Variants in NFIX observed in about 807,000 individuals in gnomAD.
NFIX encodes the protein nuclear factor I X, also known as nuclear factor 1 X-type.
Under a neutral mutation model 53.3 loss-of-function variants are expected in NFIX, and 2 were observed. The observed-to-expected ratio is 0.04, with a 90% CI of 0.02 to 0.12. The LOEUF is 0.12. NFIX is among the 10% of genes least tolerant of loss of function. The pLI is 1.00. For synonymous variants in NFIX, 244 were observed against 289.0 expected (o/e 0.84, Z 1.58); for missense variants, 310 against 674.5 (o/e 0.46, Z 5.99).
intron 2 of NFIX, among the ~76,000 whole-genome samples, chr19:13,055,985 G>A (rs1424249171): frequency 1.3e-5 from 2 of 152,234 alleles, no homozygotes; most frequent in Admixed American, 6.5e-5. Context: ...GTGCGTGTGA[G>A]TGGTCTGTGG....
At chr19:13,042,896 T>C (rs181253545) in intron 2 of NFIX, among the ~76,000 whole-genome samples, 407 of 152,286 alleles carry the variant, frequency 2.7e-3, no homozygotes, top group Non-Finnish European at 4.5e-3. Flanking sequence ...TTGAAGGCTC[T>C]TCGTCCATCC....
chr19:13,025,138 T>G lies in NFIX; in HGVS notation c.145T>G (p.Ser49Ala). The G allele has an allele frequency of 6.2e-7, 1 of 1,614,166 alleles. No homozygotes were observed. Among genetic ancestry groups the G allele is most frequent in the African/African-American group, 1.3e-5 (1 of 75,036 alleles). Residue 49 changes from serine to alanine, a missense_variant, in exon 2 of 11, where the codon TCG (serine) becomes GCG (alanine). By Grantham distance (99) the Ser-to-Ala change is moderately conservative (BLOSUM62 1). This residue lies in a region of NFIX where 64 missense variants were observed against 144.5 expected (regional missense o/e 0.44). Transcript: ENST00000592199. This position sits in a 1 kb window ranked among gnomAD's most constrained non-coding sequence, Gnocchi z 7.5. ...KYFKKHEKRM[S>A]KDEERAVKDE... ...CTTCAAGAAGCATGAAAAGCGGATG[T>G]CGAAGGACGAGGAGCGGGCGGTGAA...
At chr19:13,086,014 C>G (rs1225984257) in intron 8 of NFIX, among the ~76,000 whole-genome samples, 1 of 152,186 alleles carries the variant, frequency 6.6e-6, no homozygotes, top group African/African-American at 2.4e-5. Context: ...GGTTGTGATT[C>G]AGGGGATCTG....
intron 2 of NFIX, among the ~76,000 whole-genome samples, chr19:13,029,733 A>G (rs553937227): frequency 7.4e-4 from 112 of 152,240 alleles, no homozygotes; most frequent in African/African-American, 2.6e-3. Flanking sequence ...ATGGGTTAGC[A>G]CCTGAAGATT....
At position 13,025,080 on chromosome 19, in the gene NFIX, C is replaced by T; in HGVS notation, c.87C>T (p.Thr29=). The T allele has an allele frequency of 6.2e-7, 1 of 1,614,200 alleles. No homozygotes were observed. Among genetic ancestry groups the T allele is most frequent in the Non-Finnish European group, 8.5e-7 (1 of 1,180,018 alleles). ...LLPHVRAFSY[T]WFNLQARKRK... ...CTCACGTCCGCGCTTTCTCCTACAC[C>T]TGGTTCAACCTGCAGGCGCGGAAGC... is the stretch of plus-strand genomic sequence containing the variant. Residue 29 remains threonine, a synonymous_variant, in exon 2 of 11, where the codon ACC becomes ACT. Transcript: ENST00000592199. This position sits in a 1 kb window ranked among gnomAD's most constrained non-coding sequence, Gnocchi z 7.5.
chr19:13,019,712 GTT>G (rs34286064), intron 1 of NFIX, among the ~76,000 whole-genome samples: 1 of 137,956 alleles, frequency 7.2e-6, no homozygotes, highest in South Asian at 2.2e-4. Context: ...ACTGTTGCTG[GTT>G]TTTTTTTTGT....
At chr19:13,064,827 T>G (rs2016304260) in intron 2 of NFIX, among the ~76,000 whole-genome samples, 1 of 152,136 alleles carries the variant, frequency 6.6e-6, no homozygotes, top group Non-Finnish European at 1.5e-5. Flanking sequence ...CAAATGGAGA[T>G]GAAGGGAAAT....
At chr19:13,038,711 G>T (rs1268345837) in intron 2 of NFIX, among the ~76,000 whole-genome samples, 1 of 152,192 alleles carries the variant, frequency 6.6e-6, no homozygotes, top group Non-Finnish European at 1.5e-5. Flanking sequence ...GCGCCCTCTG[G>T]CCTTGACCAC....
At chr19:12,997,854 G>A (rs952959185) in intron 1 of NFIX, among the ~76,000 whole-genome samples, 8 of 152,216 alleles carry the variant, frequency 5.3e-5, no homozygotes, top group African/African-American at 1.4e-4. Context: ...GGCGATGGCC[G>A]GTGCTTGGCT....
At chr19:13,015,591 T>C (rs2012613129) in intron 1 of NFIX, among the ~76,000 whole-genome samples, 1 of 152,178 alleles carries the variant, frequency 6.6e-6, no homozygotes, top group Non-Finnish European at 1.5e-5. Flanking sequence ...ATGACCTACA[T>C]ACTGAGGCCC....
chr19:13,090,465 G>A lies in NFIX; in HGVS notation c.1494+75G>A. 1 of 1,376,728 alleles carries A rather than the reference G, an allele frequency of 7.3e-7. No homozygotes were observed. Among genetic ancestry groups the A allele is most frequent in the South Asian group, 1.2e-5 (1 of 86,162 alleles). 85.3% of individuals were successfully genotyped at this position (1,376,728 alleles called of 1,614,324 possible). On this transcript the variant is annotated intron_variant, in intron 10 of 10. Transcript: ENST00000592199. This position sits in a 1 kb window ranked among gnomAD's most constrained non-coding sequence, Gnocchi z 6.6. Reference sequence around the variant, plus strand: ...GGGTTGGGGGGCATCTTGGTGTTAGGGAAGAGCCTGGAGTCCTTGGGGCTA... The same window carrying A: ...GGGTTGGGGGGCATCTTGGTGTTAGAGAAGAGCCTGGAGTCCTTGGGGCTA...
intron 2 of NFIX, among the ~76,000 whole-genome samples, chr19:13,058,553 A>G (rs1038412270): frequency 6.8e-6 from 1 of 146,710 alleles, no homozygotes; most frequent in Admixed American, 6.7e-5. Context: ...AGTAGCTGGG[A>G]CCACAGCTGC....
Position 13,094,882 on chromosome 19 carries a change from C to G in NFIX, c.*233C>G. The G allele has an allele frequency of 1.9e-6, 1 of 539,412 alleles. No individual in the cohort carries two copies. The highest frequency in any genetic ancestry group is 3.0e-5 in the East Asian group (1 of 33,384). 33.4% of individuals were successfully genotyped at this position (539,412 alleles called of 1,614,324 possible). On this transcript the variant is annotated 3_prime_UTR_variant, in exon 11 of 11. Transcript: ENST00000592199. This position sits in a 1 kb window ranked among gnomAD's most constrained non-coding sequence, Gnocchi z 4.3. ...GAAGGGGTCTCGGTGGAGCTGTGCA[C>G]CAGCAGCCAAGCAGAAAGAAACACG...
chr19:13,069,027 G>C lies in NFIX; in HGVS notation c.560-4020G>C, dbSNP rs139270441. Reference sequence around the variant, plus strand: ...AGCGGCTGGGCTCAGGTTTTAGGCAGCTGCATTTGATGGGCCAAGTGGGAA... The same window carrying C: ...AGCGGCTGGGCTCAGGTTTTAGGCACCTGCATTTGATGGGCCAAGTGGGAA... On this transcript the variant is annotated intron_variant, in intron 2 of 10. Transcript: ENST00000592199. 2.0e-4 allele frequency among the ~76,000 whole-genome samples: 30 copies of C among 152,376 alleles called. 1 individual carries two copies. The East Asian group carries it at 5.8e-3, about 29-fold the overall frequency.
Position 13,067,442 on chromosome 19 carries a change from G to A in NFIX, c.560-5605G>A, listed in dbSNP as rs1226572933. On this transcript the variant is annotated intron_variant, in intron 2 of 10. Transcript: ENST00000592199. This position sits in a 1 kb window ranked among gnomAD's most constrained non-coding sequence, Gnocchi z 4.2. ...TCTGGACGGCAAGAAGTGGTTAGTG[G>A]CACCTCCGTGTGTGTGCGCGCGTGT... Among the ~76,000 whole-genome samples the A allele has an allele frequency of 2.0e-5, 3 of 151,496 alleles. No individual in the cohort carries two copies. The East Asian group carries it at 5.8e-4, about 29-fold the overall frequency.
In NFIX at chr19:13,009,529, A is replaced by G. The variant is rs1394470588; in HGVS notation, c.27+13665A>G. On this transcript the variant is annotated intron_variant, in intron 1 of 10. Coordinates refer to ENST00000592199, the MANE Select transcript of NFIX (RefSeq NM_001365902.3). This position sits in a 1 kb window ranked among gnomAD's most constrained non-coding sequence, Gnocchi z 4.7. ...CCAGCTTTTCATCCCCCTTCTGGCC[A>G]CCTGAGGCTCCTCCTTCTGGCCTTC... is the stretch of plus-strand genomic sequence containing the variant. 1.3e-5 allele frequency among the ~76,000 whole-genome samples: 2 copies of G among 152,190 alleles called. No individual in the cohort carries two copies. The highest frequency in any genetic ancestry group is 2.9e-5 in the Non-Finnish European group (2 of 68,018).
At chr19:13,069,290 C>A (rs976091906) in intron 2 of NFIX, among the ~76,000 whole-genome samples, 23 of 152,188 alleles carry the variant, frequency 1.5e-4, no homozygotes, top group African/African-American at 5.5e-4. Context: ...TGGAAAGAAG[C>A]CTGAGGCCAG....
intron 2 of NFIX, among the ~76,000 whole-genome samples, chr19:13,054,205 C>T (rs1298448663): frequency 2.0e-5 from 3 of 152,294 alleles, no homozygotes; most frequent in Admixed American, 6.5e-5. Flanking sequence ...ACTGGGCCTT[C>T]GGTGGGGGTT....
chr19:13,075,537 C>G lies in NFIX; in HGVS notation c.821C>G (p.Thr274Ser), dbSNP rs768065023. Residue 274 changes from threonine (T) to serine (S), a missense_variant and splice_region_variant, in exon 6 of 11, where the codon ACC becomes AGC. By Grantham distance (58) the Thr-to-Ser change is moderately conservative. Around this residue, in one of 5 missense-constraint regions of NFIX, gnomAD observed 164 missense variants for 284.4 expected, o/e 0.58. Transcript: ENST00000592199. ...GTGACCCTTTCTTTCTTCCCCAGCACCACCAAGCGCCCCAAGTCCATCGAT... is the reference window on the plus strand; with the variant it reads ...GTGACCCTTTCTTTCTTCCCCAGCAGCACCAAGCGCCCCAAGTCCATCGAT... ...RSITSPPSTS[T>S]TKRPKSIDDS... 16 of 1,613,542 alleles carry G rather than the reference C, an allele frequency of 9.9e-6. No individual in the cohort carries two copies. Among genetic ancestry groups the G allele is most frequent in the Admixed American group, 1.7e-5 (1 of 59,960 alleles).
Sources: allele counts gnomAD v4.1 joint callset (sites outside exome capture counted in the v4.1 genomes callset), GRCh38; gene constraint gnomAD v4.1.1; regional missense constraint gnomAD v4.1.1; non-coding constraint Gnocchi (gnomAD v3.1); transcripts MANE v1.5; gene names NCBI Gene and HGNC (gene_info 2026-07-23, HGNC 2026-07-21).